The following DIPK1B variants were observed in gnomAD, a reference collection of about 807,000 sequenced individuals.
DIPK1B encodes family with sequence similarity 69 member B.
DIPK1B carries 17 observed loss-of-function variants against 20.7 expected under a neutral mutation model. The ratio of observed to expected loss-of-function variants is 0.82; its 90% confidence interval spans 0.56 to 1.23. The LOEUF is 1.23. Ranked by LOEUF, DIPK1B falls within the 50% of genes most tolerant of loss-of-function variation. The pLI is 0.00. For missense variants in DIPK1B, 648 were observed against 601.8 expected (o/e 1.08, Z -0.80); for synonymous variants, 343 against 276.5 (o/e 1.24, Z -2.39).
rs562635767 is a variant in DIPK1B, at chr9:136,716,893, C to T, written c.64-684C>T. Among the ~76,000 whole-genome samples the T allele has an allele frequency of 2.8e-4, 42 of 152,034 alleles. 1 individual carries two copies. The East Asian group carries it at 8.1e-3, about 29-fold the overall frequency. ...CTCACCTGGCCTTGTGCGGAGGTGA[C>T]GATGTTATGAAATGAGATCAGGATA... On this transcript the variant is annotated intron_variant, in intron 1 of 4. Transcript: ENST00000371692.
Position 136,724,142 on chromosome 9 carries a change from T to C in DIPK1B, c.*368T>C. 3.8e-6 allele frequency: 1 copy of C among 261,652 alleles called. No individual in the cohort carries two copies. The highest frequency in any genetic ancestry group is 7.5e-6 in the Non-Finnish European group (1 of 134,220). The allele number at this position is 261,652 out of a possible 1,614,324, so 16.2% of individuals were successfully genotyped here. ...GGCACTCAGGCTGGGGTTGAGCCCC[T>C]GAATCCTTCCTGGCGAGGCAGCCCT... On this transcript the variant is annotated 3_prime_UTR_variant, in exon 5 of 5. Transcript: ENST00000371692.
chr9:136,721,179 G>A (rs1846593971), intron 2 of DIPK1B: 1 of 152,302 alleles, frequency 6.6e-6, no homozygotes, highest in South Asian at 2.1e-4. Context: ...TTCTCTGACA[G>A]AGGCCCTATG....
rs1490041085 is a variant in DIPK1B, at chr9:136,723,557, A to G, written c.1079A>G (p.Asp360Gly). The G allele has an allele frequency of 8.1e-6, 13 of 1,597,830 alleles. No individual in the cohort carries two copies. The highest frequency in any genetic ancestry group is 1.3e-5 in the African/African-American group (1 of 74,754). ...CDRLMRQCKG[D>G]LIQPNLAKVC... ...AGGCTCATGAGGCAGTGCAAGGGCG[A>G]CCTCATCCAGCCCAACCTGGCCAAG... The change falls in exon 5 of 5, where the codon GAC (aspartate) becomes GGC (glycine). Residue 360 changes from aspartate to glycine, a missense_variant. Physicochemically the swap from Asp to Gly is moderately conservative, Grantham distance 94. Transcript: ENST00000371692.
At chr9:136,722,057 T>G in intron 3 of DIPK1B, 29 bp downstream of exon 3, 7 of 1,611,530 alleles carry the variant, frequency 4.3e-6, no homozygotes, top group Non-Finnish European at 5.9e-6. Context: ...CGGGTGGGCC[T>G]GGGGCTGATA....
rs368277189 is a variant in DIPK1B, at chr9:136,721,950, G to A, written c.228G>A (p.Ser76=). 1.2e-5 allele frequency: 20 copies of A among 1,613,526 alleles called. No individual in the cohort carries two copies. The Admixed American group carries it at 1.3e-4, about 11-fold the overall frequency. Residue 76 remains serine, a synonymous_variant, in exon 3 of 5, where the codon TCG becomes TCA. Transcript: ENST00000371692. ...ACCAGTACCGCAAGGGGATCATCTC[G>A]GGCTCCGTCTGCCAGGACCTGTGTG... The part of the protein sequence containing the change: ...ICDQYRKGII[S]GSVCQDLCEL...
At chr9:136,714,743 C>A (rs113663465) in intron 1 of DIPK1B, among the ~76,000 whole-genome samples, 1 of 152,210 alleles carries the variant, frequency 6.6e-6, no homozygotes, top group Non-Finnish European at 1.5e-5. Context: ...CTCCCCACAC[C>A]GGAGCCACGC....
intron 2 of DIPK1B, among the ~76,000 whole-genome samples, chr9:136,719,855 G>A (rs986633697): frequency 1.3e-5 from 2 of 152,042 alleles, no homozygotes; most frequent in Admixed American, 6.6e-5. Context: ...GGGGCTCCGG[G>A]CACAGGGGCT....
Position 136,723,174 on chromosome 9 carries a change from G to C in DIPK1B, c.696G>C (p.Glu232Asp), listed in dbSNP as rs7038042. The C allele has an allele frequency of 6.2e-7, 1 of 1,612,982 alleles. No homozygotes were observed. The highest frequency in any genetic ancestry group is 8.5e-7 in the Non-Finnish European group (1 of 1,179,918). Reference protein sequence around the residue: ...LGYCGDLYLTEGVPHGAWHAA... With the variant: ...LGYCGDLYLTDGVPHGAWHAA... ...ACTGTGGGGACCTCTACCTCACCGA[G>C]GGCGTGCCGCATGGCGCCTGGCACG... is the stretch of plus-strand genomic sequence containing the variant. The change falls in exon 5 of 5, where the codon GAG (glutamate) becomes GAC (aspartate). Residue 232 changes from glutamate to aspartate, a missense_variant. Transcript: ENST00000371692.
intron 1 of DIPK1B, among the ~76,000 whole-genome samples, chr9:136,713,779 C>T (rs1436708931): frequency 6.6e-6 from 1 of 152,248 alleles, no homozygotes; most frequent in Non-Finnish European, 1.5e-5. Flanking sequence ...GGGTGGCTGG[C>T]TCGGGGCCAG....
At chr9:136,720,478 C>CG (rs984971759) in intron 2 of DIPK1B, among the ~76,000 whole-genome samples, 11 of 152,106 alleles carry the variant, frequency 7.2e-5, no homozygotes, top group Non-Finnish European at 1.3e-4. Flanking sequence ...TCTCCCCCCC[C>CG]CAGAGGGGCG....
rs775409231 is a variant in DIPK1B, at chr9:136,723,415, A to G, written c.937A>G (p.Met313Val). 2 of 1,612,610 alleles carry G rather than the reference A, an allele frequency of 1.2e-6. No homozygotes were observed. Among genetic ancestry groups the G allele is most frequent in the Non-Finnish European group, 1.7e-6 (2 of 1,179,522 alleles). The change falls in exon 5 of 5, where the codon ATG becomes GTG. Residue 313 changes from methionine to valine, a missense_variant. By Grantham distance (21) the Met-to-Val change is conservative (BLOSUM62 1). Transcript: ENST00000371692. ...CTACACAGCCACCTACGACTTCAAG[A>G]TGGCCGACCTGCAGCAGGTGGCACC... is the stretch of plus-strand genomic sequence containing the variant. ...VGYTATYDFK[M>V]ADLQQVAPEA... is the part of the protein sequence containing the mutation.
rs1040101672 is a variant in DIPK1B, at chr9:136,717,809, AGGGCCCACG to A, written c.198+99_198+107del. On this transcript the variant is annotated intron_variant, in intron 2 of 4. Transcript: ENST00000371692. ...TGGAGACACCTTCCTCCCCAGACCC[AGGGCCCACG>A]AGGCACGTGGGTTTCTAGGTGGAAT... 3 of 1,543,820 alleles carry A rather than the reference AGGGCCCACG, an allele frequency of 1.9e-6. No homozygotes were observed. In the African/African-American group the frequency reaches 4.1e-5, roughly 21 times the overall value.
At chr9:136,722,440 G>C (rs1442797590) in intron 4 of DIPK1B, 139 bp downstream of exon 4, 1 of 1,037,330 alleles carries the variant, frequency 9.6e-7, no homozygotes, top group East Asian at 2.6e-5. Flanking sequence ...CCATCCCCCA[G>C]CCCCTGGGCA....
intron 1 of DIPK1B, among the ~76,000 whole-genome samples, chr9:136,714,890 C>T (rs1322680021): frequency 6.6e-6 from 1 of 152,214 alleles, no homozygotes; most frequent in Non-Finnish European, 1.5e-5. Flanking sequence ...GAGACCAGGG[C>T]CCACCCATCC....
In DIPK1B at chr9:136,717,729, G is replaced by A. The variant is rs541631653; in HGVS notation, c.198+18G>A. 2.7e-5 allele frequency: 43 copies of A among 1,610,186 alleles called. No homozygotes were observed. Among genetic ancestry groups the A allele is most frequent in the Middle Eastern group, 1.6e-4 (1 of 6,082 alleles). On this transcript the variant is annotated intron_variant, in intron 2 of 4. Coordinates refer to ENST00000371692, the MANE Select transcript of DIPK1B (RefSeq NM_152421.4). Reference sequence around the variant, plus strand: ...TGGTCATTGTAAGTGTTGCTTGTGCGGGCTGGGGACTGGGCCGTGCCCCCT... The same window carrying A: ...TGGTCATTGTAAGTGTTGCTTGTGCAGGCTGGGGACTGGGCCGTGCCCCCT...
Position 136,723,353 on chromosome 9 carries a change from C to G in DIPK1B, c.875C>G (p.Thr292Ser), listed in dbSNP as rs747789253. ...VEELFHGSYG[T>S]FYMCETTLAN... is the part of the protein sequence containing the mutation. ...GAGCTCTTCCACGGCTCTTACGGGACTTTCTACATGTGTGAGACCACACTG... is the reference window on the plus strand; with the variant it reads ...GAGCTCTTCCACGGCTCTTACGGGAGTTTCTACATGTGTGAGACCACACTG... The change falls in exon 5 of 5, where the codon ACT (threonine) becomes AGT (serine). Residue 292 changes from threonine (T) to serine (S), a missense_variant. Thr to Ser is a moderately conservative substitution (Grantham distance 58). Transcript: ENST00000371692. The G allele has an allele frequency of 1.2e-6, 2 of 1,613,258 alleles. No homozygotes were observed. Among genetic ancestry groups the G allele is most frequent in the African/African-American group, 1.3e-5 (1 of 74,918 alleles).
At position 136,723,040 on chromosome 9, in the gene DIPK1B, C is replaced by T. The variant is rs927881394; in HGVS notation, c.562C>T (p.Arg188Trp). The T allele has an allele frequency of 3.3e-5, 53 of 1,613,362 alleles. No individual in the cohort carries two copies. The highest frequency in any genetic ancestry group is 4.0e-5 in the African/African-American group (3 of 74,948). Reference sequence around the variant, plus strand: ...CATGGCTGACTTCAACAAGGACAACCGGGTGTCCCTGGCGGAAGCCAAGTC... The same window carrying T: ...CATGGCTGACTTCAACAAGGACAACTGGGTGTCCCTGGCGGAAGCCAAGTC... ...LLMADFNKDN[R>W]VSLAEAKSVW... Residue 188 changes from arginine (R) to tryptophan (W), a missense_variant, in exon 5 of 5, where the codon CGG becomes TGG. By Grantham distance (101) the Arg-to-Trp change is moderately radical. Coordinates refer to ENST00000371692, the MANE Select transcript of DIPK1B (RefSeq NM_152421.4).
chr9:136,722,244 G>A lies in DIPK1B; in HGVS notation c.426G>A (p.Lys142=). The part of the protein sequence containing the change: ...APRRELVLFD[K]PTRGTSIKEF... The stretch of plus-strand genomic sequence containing the variant: ...GGCGGGAGCTGGTACTGTTTGACAA[G>A]CCCACCCGGGGCACCTCCATCAAGG... The change falls in exon 4 of 5, where the codon AAG becomes AAA. Residue 142 remains lysine (K), a synonymous_variant. Coordinates refer to ENST00000371692, the MANE Select transcript of DIPK1B (RefSeq NM_152421.4). 1.2e-6 allele frequency: 2 copies of A among 1,613,940 alleles called. No individual in the cohort carries two copies. Among genetic ancestry groups the A allele is most frequent in the Admixed American group, 1.7e-5 (1 of 60,010 alleles).
rs530677456 is a variant in DIPK1B, at chr9:136,720,152, C to T, written c.199-1769C>T. On this transcript the variant is annotated intron_variant, in intron 2 of 4. Coordinates refer to ENST00000371692, the MANE Select transcript of DIPK1B (RefSeq NM_152421.4). The stretch of plus-strand genomic sequence containing the variant: ...CTGGTCTGGGGACGGGAGTGGACTC[C>T]GGTGGCAAAGGGCCTGCCTGCAAGG... Among the ~76,000 whole-genome samples, 52 of 152,140 alleles carry T rather than the reference C, an allele frequency of 3.4e-4. 1 individual carries two copies. Among genetic ancestry groups the T allele is most frequent in the Admixed American group, 3.1e-3 (47 of 15,294 alleles).
Sources: allele counts gnomAD v4.1 joint callset (sites outside exome capture counted in the v4.1 genomes callset), GRCh38; gene constraint gnomAD v4.1.1; transcripts MANE v1.5; gene names NCBI Gene and HGNC (gene_info 2026-07-23, HGNC 2026-07-21).